SNX29: variants seen among roughly 807,000 people sequenced by gnomAD.
SNX29 encodes the protein sorting nexin 29.
Under a neutral mutation model 102.1 loss-of-function variants are expected in SNX29, and 78 were observed. The observed-to-expected ratio is 0.76, with a 90% confidence interval of 0.64 to 0.92. The LOEUF is 0.92. Ranked by LOEUF, SNX29 falls within the 40% of genes least tolerant of loss-of-function variation. The probability of loss-of-function intolerance (pLI) is 0.00; values close to 1 mark genes in which losing one functional copy is unlikely to be tolerated. For missense variants in SNX29, 1,280 were observed against 1,061.7 expected (o/e 1.21, Z -2.86); for synonymous variants, 580 against 414.5 (o/e 1.40, Z -4.85).
chr16:12,021,119 G>C (rs2057007479), intron 3 of SNX29, among the ~76,000 whole-genome samples: 1 of 152,032 alleles, frequency 6.6e-6, no homozygotes, highest in African/African-American at 2.4e-5. Context: ...AAAGGCTCCA[G>C]TAAAGCTGTA....
chr16:12,446,678 C>T lies in SNX29; in HGVS notation c.2038-31041C>T, dbSNP rs538500993. Among the ~76,000 whole-genome samples, 103 of 152,276 alleles carry T rather than the reference C, an allele frequency of 6.8e-4. 1 individual carries two copies. The highest frequency in any genetic ancestry group is 2.4e-3 in the African/African-American group (99 of 41,550). Reference sequence around the variant, plus strand: ...GGCAGTGGAGCTCCTGTTGACTTTCCTCTGTGCCTTGTTAGGTATACTCAA... The same window carrying T: ...GGCAGTGGAGCTCCTGTTGACTTTCTTCTGTGCCTTGTTAGGTATACTCAA... On this transcript the variant is annotated intron_variant, in intron 18 of 20. Transcript: ENST00000566228.
intron 18 of SNX29, among the ~76,000 whole-genome samples, chr16:12,455,049 G>T (rs1354831963): frequency 6.6e-6 from 1 of 152,144 alleles, no homozygotes; most frequent in African/African-American, 2.4e-5. Context: ...CGCCTGGCCC[G>T]TTGGAGGACT....
chr16:12,564,391 A>C (rs1161593472), intron 20 of SNX29, among the ~76,000 whole-genome samples: 1 of 139,540 alleles, frequency 7.2e-6, no homozygotes, highest in African/African-American at 2.9e-5. Context: ...CCAACTGCAT[A>C]AATATGCATC....
At chr16:12,140,146 C>T (rs1012161508) in intron 13 of SNX29, among the ~76,000 whole-genome samples, 9 of 152,174 alleles carry the variant, frequency 5.9e-5, no homozygotes, top group African/African-American at 2.2e-4. Flanking sequence ...TGGATCAAAG[C>T]TCTCAGGGGG....
chr16:12,031,533 G>C (rs1419309845), intron 4 of SNX29, among the ~76,000 whole-genome samples: 2 of 151,918 alleles, frequency 1.3e-5, no homozygotes, highest in Admixed American at 6.6e-5. Flanking sequence ...ATGGCCGGGC[G>C]TGGTGGCTCA....
intron 1 of SNX29, among the ~76,000 whole-genome samples, chr16:11,978,009 A>G (rs1310445553): frequency 6.6e-6 from 1 of 152,164 alleles, no homozygotes; most frequent in Non-Finnish European, 1.5e-5. Context: ...AGCGGGGGGC[A>G]AGGCCAAGGG....
intron 3 of SNX29, among the ~76,000 whole-genome samples, chr16:12,022,659 T>C (rs1042885277): frequency 6.6e-6 from 1 of 152,172 alleles, no homozygotes; most frequent in Non-Finnish European, 1.5e-5. Flanking sequence ...TAAATGACTT[T>C]CTGTTTCTAT....
intron 20 of SNX29, among the ~76,000 whole-genome samples, chr16:12,532,296 T>G (rs2076952850): frequency 6.6e-6 from 1 of 152,244 alleles, no homozygotes; most frequent in African/African-American, 2.4e-5. Context: ...TAAATTGGCA[T>G]TCTGGACACC....
chr16:12,443,248 C>T (rs1441371946), intron 18 of SNX29: 2 of 296,900 alleles, frequency 6.7e-6, no homozygotes, highest in South Asian at 2.8e-5. Context: ...AGAGCAGGGT[C>T]ACCTGTGTGC....
intron 15 of SNX29, among the ~76,000 whole-genome samples, chr16:12,290,811 G>A (rs1036600708): frequency 1.3e-5 from 2 of 152,136 alleles, no homozygotes; most frequent in Non-Finnish European, 2.9e-5. Context: ...GTGGGGATGA[G>A]TTTTCTTGGT....
intron 19 of SNX29, chr16:12,515,632 C>G (rs888007900): frequency 8.2e-6 from 4 of 485,392 alleles, no homozygotes; most frequent in African/African-American, 5.9e-5. Flanking sequence ...GCCTTCCTGT[C>G]CTAGCCACCC....
At chr16:12,407,577 A>AT (rs1196824181) in intron 18 of SNX29, among the ~76,000 whole-genome samples, 1 of 152,230 alleles carries the variant, frequency 6.6e-6, no homozygotes, top group Admixed American at 6.5e-5. Context: ...TGATTAACAA[A>AT]TACCAGTATA....
intron 18 of SNX29, among the ~76,000 whole-genome samples, chr16:12,414,613 C>A (rs920297076): frequency 6.6e-6 from 1 of 152,188 alleles, no homozygotes; most frequent in Non-Finnish European, 1.5e-5. Flanking sequence ...TTTCTGCTCC[C>A]TCACCTGAAG....
intron 14 of SNX29, among the ~76,000 whole-genome samples, chr16:12,251,636 G>C (rs925724195): frequency 2.0e-5 from 3 of 152,164 alleles, no homozygotes; most frequent in Non-Finnish European, 4.4e-5. Context: ...CTGGGAGGCG[G>C]AGGTTGCAGT....
intron 18 of SNX29, among the ~76,000 whole-genome samples, chr16:12,406,004 A>G (rs1225491967): frequency 6.6e-6 from 1 of 151,996 alleles, no homozygotes; most frequent in Non-Finnish European, 1.5e-5. Context: ...TGCACTCCAG[A>G]CTGGGTGACA....
chr16:12,546,939 AAAT>A (rs1338887062), intron 20 of SNX29, among the ~76,000 whole-genome samples: 9 of 152,194 alleles, frequency 5.9e-5, no homozygotes, highest in Admixed American at 3.9e-4. Context: ...GATGAAGAGA[AAAT>A]AAATTCCCCA....
At chr16:12,370,750 T>C (rs771954561) in intron 16 of SNX29, among the ~76,000 whole-genome samples, 6 of 152,190 alleles carry the variant, frequency 3.9e-5, no homozygotes, top group Non-Finnish European at 8.8e-5. Context: ...GTGTGTTTCA[T>C]GGAGTTTGGT....
intron 13 of SNX29, among the ~76,000 whole-genome samples, chr16:12,195,757 G>T (rs1020524735): frequency 1.3e-5 from 2 of 152,198 alleles, no homozygotes; most frequent in African/African-American, 4.8e-5. Flanking sequence ...TAAATCCCAA[G>T]TTGGAGTGTG....
At chr16:12,485,568 T>C (rs1229460413) in intron 19 of SNX29, among the ~76,000 whole-genome samples, 1 of 152,128 alleles carries the variant, frequency 6.6e-6, no homozygotes, top group East Asian at 1.9e-4. Flanking sequence ...TGCAACTTCT[T>C]GGGAGGTGCC....
Sources: gnomAD v4.1 joint callset for allele counts (sites outside exome capture counted in the v4.1 genomes callset) on GRCh38, gnomAD v4.1.1 for gene constraint, MANE v1.5 for transcripts, NCBI Gene and HGNC (gene_info 2026-07-23, HGNC 2026-07-21) for gene names.